The following TRIM7 variants were observed in gnomAD, a reference collection of about 807,000 sequenced individuals.
TRIM7 encodes tripartite motif containing 7, also known as E3 ubiquitin-protein ligase TRIM7.
Under a neutral mutation model 37.9 loss-of-function variants are expected in TRIM7, and 32 were observed. The ratio of observed to expected loss-of-function variants is 0.84; its 90% CI spans 0.64 to 1.13. The LOEUF is 1.13. Among genes scored for constraint, TRIM7 ranks in the 50% most tolerant of loss-of-function variants. The pLI, the probability that TRIM7 is intolerant of heterozygous loss-of-function variation, is 0.00. For missense variants in TRIM7, 732 were observed against 714.0 expected, an observed-to-expected ratio of 1.03 and a Z score of -0.29; for synonymous variants, 351 against 321.3, an observed-to-expected ratio of 1.09 and a Z score of -0.99.
intron 2 of TRIM7, among the ~76,000 whole-genome samples, chr5:181,201,193 C>A (rs1008324394): frequency 1.3e-5 from 2 of 152,218 alleles, no homozygotes; most frequent in Non-Finnish European, 2.9e-5. Context: ...TTGTAGGGGG[C>A]TGCCCTGTGC....
At chr5:181,203,260 A>C in intron 2 of TRIM7, 1 of 1,254,988 alleles carries the variant, frequency 8.0e-7, no homozygotes, top group Non-Finnish European at 1.0e-6. Context: ...CCTAACTGGT[A>C]TGTTACGTAA....
chr5:181,194,163 C>A lies in TRIM7; in HGVS notation c.*1003G>T, dbSNP rs575640471. 6.6e-6 allele frequency: 1 copy of A among 152,266 alleles called. No homozygotes were observed. 9.4% of individuals were successfully genotyped at this position (152,266 alleles called of 1,614,324 possible). Reference sequence around the variant, plus strand: ...TGAGTCCGTCAGGAGCATATTTGTGCTCTGTGTGTTGTTTAGAGCTGGCTG... The same window carrying A: ...TGAGTCCGTCAGGAGCATATTTGTGATCTGTGTGTTGTTTAGAGCTGGCTG... On this transcript the variant is annotated 3_prime_UTR_variant, in exon 7 of 7. Coordinates refer to ENST00000274773, the MANE Select transcript of TRIM7 (RefSeq NM_203293.3).
chr5:181,204,974 T>G lies in TRIM7; in HGVS notation c.137A>C (p.His46Pro). The stretch of plus-strand genomic sequence containing the variant: ...CCCTATGCAGGCGCGGCAGAAGCTG[T>G]GGCCGCACTCGACGGACACCGGCTC... ...FREPVSVECG[H>P]SFCRACIGRC... The change falls in exon 1 of 7, where the codon CAC becomes CCC. Residue 46 changes from histidine to proline, a missense_variant. Transcript: ENST00000274773. 1 of 1,483,496 alleles carries G rather than the reference T, an allele frequency of 6.7e-7. No individual in the cohort carries two copies. The highest frequency in any genetic ancestry group is 8.9e-7 in the Non-Finnish European group (1 of 1,125,298). The allele number at this position is 1,483,496 out of a possible 1,614,324, so 91.9% of individuals were successfully genotyped here. A position where few individuals can be genotyped will look rare whatever the true frequency, so the allele number is the denominator to read the frequency against.
At position 181,199,734 on chromosome 5, in the gene TRIM7, C is replaced by A. The variant is rs1048346010; in HGVS notation, c.849+117G>T. The A allele has an allele frequency of 9.0e-6, 13 of 1,440,902 alleles. No homozygotes were observed. The African/African-American group carries it at 1.6e-4, about 17-fold the overall frequency. 89.3% of individuals were successfully genotyped at this position (1,440,902 alleles called of 1,614,324 possible). On this transcript the variant is annotated intron_variant, in intron 3 of 6. Coordinates refer to ENST00000274773, the MANE Select transcript of TRIM7 (RefSeq NM_203293.3). ...AAATCAGGGCACTTCTCTCCAGTCCCCTTCAGCTCCAGATCATGTGATTCT... is the reference window on the plus strand; with the variant it reads ...AAATCAGGGCACTTCTCTCCAGTCCACTTCAGCTCCAGATCATGTGATTCT...
chr5:181,198,443 A>G (rs559828352), intron 5 of TRIM7, among the ~76,000 whole-genome samples: 1 of 152,238 alleles, frequency 6.6e-6, no homozygotes, highest in African/African-American at 2.4e-5. Context: ...TCCCCTGCAC[A>G]GCTCTCTTCC....
In TRIM7 at chr5:181,194,077, C is replaced by A. The variant is rs947147604; in HGVS notation, c.*1089G>T. 6 of 152,450 alleles carry A rather than the reference C, an allele frequency of 3.9e-5. 1 individual carries two copies. In the East Asian group the frequency reaches 1.2e-3, roughly 29 times the overall value. 9.4% of individuals were successfully genotyped at this position (152,450 alleles called of 1,614,324 possible). ...GGGGCTGAGGCTGGCCAGGGGAATG[C>A]CCTCCAGGGCATGGGCTGAGAAGGC... On this transcript the variant is annotated 3_prime_UTR_variant, in exon 7 of 7. Coordinates refer to ENST00000274773, the MANE Select transcript of TRIM7 (RefSeq NM_203293.3).
intron 6 of TRIM7, chr5:181,197,839 C>T (rs1757225277): frequency 2.8e-6 from 1 of 351,138 alleles, no homozygotes. Flanking sequence ...TTCCTGGTCC[C>T]CTGTATACAC....
chr5:181,195,562 G>C lies in TRIM7; in HGVS notation c.1140C>G (p.Phe380Leu). The change falls in exon 7 of 7, where the codon TTC becomes TTG. Residue 380 changes from phenylalanine (F) to leucine (L), a missense_variant. Transcript: ENST00000274773. Reference protein sequence around the residue: ...AQDLPNHPCRFDTNTRVLASC... With the variant: ...AQDLPNHPCRLDTNTRVLASC... The stretch of plus-strand genomic sequence containing the variant: ...ACGCCAGGACGCGGGTGTTGGTGTC[G>C]AAGCGGCAGGGGTGGTTGGGCAGGT... 1 of 1,610,460 alleles carries C rather than the reference G, an allele frequency of 6.2e-7. No homozygotes were observed. The highest frequency in any genetic ancestry group is 8.5e-7 in the Non-Finnish European group (1 of 1,177,696).
intron 5 of TRIM7, among the ~76,000 whole-genome samples, 192 bp downstream of exon 5, chr5:181,198,498 A>G (rs533052208): frequency 6.6e-6 from 1 of 152,268 alleles, no homozygotes; most frequent in Non-Finnish European, 1.5e-5. Context: ...ATCTGTGCCC[A>G]TGAGAAGCGG....
intron 2 of TRIM7, chr5:181,203,297 C>T (rs1385269771): frequency 1.5e-6 from 2 of 1,321,674 alleles, no homozygotes; most frequent in Non-Finnish European, 1.9e-6. Context: ...CGTCCTGATT[C>T]GCTGGGACAG....
Position 181,200,000 on chromosome 5 carries a change from G to A in TRIM7, c.700C>T (p.Leu234=). ...RAFLVEQEGR[L]LGRLEELSRE... ...GACAGTTCCTCCAGGCGGCCTAGCA[G>A]CCGACCCTCCTGCTCCACCAGGAAA... The change falls in exon 3 of 7, where the codon CTG becomes TTG. Residue 234 remains leucine (L), a synonymous_variant. Transcript: ENST00000274773. 2 of 1,614,250 alleles carry A rather than the reference G, an allele frequency of 1.2e-6. No homozygotes were observed. The highest frequency in any genetic ancestry group is 1.7e-5 in the Admixed American group (1 of 60,026).
At chr5:181,204,349 A>G (rs983384061) in intron 1 of TRIM7, 33 of 1,207,670 alleles carry the variant, frequency 2.7e-5, no homozygotes, top group African/African-American at 4.7e-5. Context: ...CAGGCGGCCC[A>G]GTATCTGGCC....
rs974365505 is a variant in TRIM7, at chr5:181,198,950, G to T, written c.872+145C>A. 25 of 1,231,686 alleles carry T rather than the reference G, an allele frequency of 2.0e-5. No individual in the cohort carries two copies. The Admixed American group carries it at 3.0e-4, about 15-fold the overall frequency. 76.3% of individuals were successfully genotyped at this position (1,231,686 alleles called of 1,614,324 possible). A position where few individuals can be genotyped will look rare whatever the true frequency, so the allele number is the denominator to read the frequency against. ...ATGCAGAAAAACCCATGGCCAGGCAGGTGGGCGTTTGTCTCGGAAGGTCCC... is the reference window on the plus strand; with the variant it reads ...ATGCAGAAAAACCCATGGCCAGGCATGTGGGCGTTTGTCTCGGAAGGTCCC... On this transcript the variant is annotated intron_variant, in intron 4 of 6. Transcript: ENST00000274773.
chr5:181,196,190 G>A (rs982994475), intron 6 of TRIM7: 2 of 152,318 alleles, frequency 1.3e-5, no homozygotes, highest in African/African-American at 4.8e-5. Flanking sequence ...GAACATCCTG[G>A]CTAACATGGT....
At chr5:181,197,892 C>T (rs1201717002) in intron 6 of TRIM7, 7 of 481,854 alleles carry the variant, frequency 1.5e-5, no homozygotes, top group South Asian at 1.0e-4. Context: ...GAGTGGGGAC[C>T]GGGTAGAGGC....
In TRIM7 at chr5:181,198,248, A is replaced by G. The variant is rs1335859842; in HGVS notation, c.989-30T>C. The G allele has an allele frequency of 1.9e-6, 3 of 1,613,350 alleles. No individual in the cohort carries two copies. In the South Asian group the frequency reaches 3.3e-5, roughly 18 times the overall value. On this transcript the variant is annotated intron_variant, in intron 5 of 6. Transcript: ENST00000274773. ...GGAGGAGAAACAAAGCAAGGCGTGC[A>G]TGAGCGACACGGGAGATTATATGGC...
chr5:181,200,017 A>C lies in TRIM7; in HGVS notation c.683T>G (p.Val228Gly). 1 of 1,614,214 alleles carries C rather than the reference A, an allele frequency of 6.2e-7. No individual in the cohort carries two copies. The highest frequency in any genetic ancestry group is 8.5e-7 in the Non-Finnish European group (1 of 1,180,036). Residue 228 changes from valine (V) to glycine (G), a missense_variant, in exon 3 of 7, where the codon GTG (valine) becomes GGG (glycine). Transcript: ENST00000274773. Reference sequence around the variant, plus strand: ...GCCTAGCAGCCGACCCTCCTGCTCCACCAGGAAAGCCCTCAGTGCCTGGAA... The same window carrying C: ...GCCTAGCAGCCGACCCTCCTGCTCCCCCAGGAAAGCCCTCAGTGCCTGGAA... ...AEFQALRAFL[V>G]EQEGRLLGRL... is the part of the protein sequence containing the mutation.
intron 1 of TRIM7, chr5:181,204,283 G>C: frequency 9.1e-7 from 1 of 1,100,796 alleles, no homozygotes; most frequent in Non-Finnish European, 1.1e-6. Flanking sequence ...CGCAGACCAG[G>C]CTAGAGGCTC....
intron 2 of TRIM7, 198 bp downstream of exon 2, chr5:181,203,347 C>T (rs1582238762): frequency 1.4e-6 from 2 of 1,389,968 alleles, no homozygotes; most frequent in East Asian, 2.6e-5. Flanking sequence ...ATTATTTTAG[C>T]ACTGCTTTTC....
Sources: allele counts gnomAD v4.1 joint callset (sites outside exome capture counted in the v4.1 genomes callset), GRCh38; gene constraint gnomAD v4.1.1; transcripts MANE v1.5; gene names NCBI Gene and HGNC (gene_info 2026-07-23, HGNC 2026-07-21).